Variants in TTBK1 observed in about 807,000 individuals in gnomAD.
TTBK1 encodes tau tubulin kinase 1.
In TTBK1, 34 loss-of-function variants were observed where a neutral mutation model predicts 108.5. That is an observed-to-expected ratio of 0.31 (90% CI 0.24 to 0.42). TTBK1 has a LOEUF of 0.42. Ranked by LOEUF, TTBK1 falls within the 10% of genes least tolerant of loss-of-function variation. The pLI is 1.00. For missense variants in TTBK1, 1,539 were observed against 1,826.0 expected (o/e 0.84, Z 2.86); for synonymous variants, 809 against 795.1 (o/e 1.02, Z -0.29).
intron 2 of TTBK1, 74 bp from the exon 3 acceptor site, chr6:43,252,665 C>A: frequency 1.3e-6 from 2 of 1,542,972 alleles, no homozygotes; most frequent in Non-Finnish European, 1.8e-6. Context: ...ATGAAGGATG[C>A]AACCAAGCAG....
intron 7 of TTBK1, 134 bp from the exon 8 acceptor site, chr6:43,255,418 A>T: frequency 1.2e-6 from 1 of 811,002 alleles, no homozygotes; most frequent in Non-Finnish European, 2.0e-6. Context: ...CTGTGGCCTC[A>T]GGGAGACCCC....
intron 2 of TTBK1, among the ~76,000 whole-genome samples, chr6:43,249,037 G>A (rs1443356823): frequency 2.6e-5 from 4 of 152,070 alleles, no homozygotes; most frequent in Non-Finnish European, 4.4e-5. Context: ...TGAGGAAATT[G>A]CTTAGCTAAT....
rs1331096949 is a variant in TTBK1 at position 43,283,336 on chromosome 6, A to C, written c.2596A>C (p.Thr866Pro). Residue 866 changes from threonine (T) to proline (P), a missense_variant, in exon 14 of 15, where the codon ACT becomes CCT. By Grantham distance (38) the Thr-to-Pro change is conservative. This residue lies in a region of TTBK1 where 1,055 missense variants were observed against 1,086.5 expected (regional missense o/e 0.97). Transcript: ENST00000259750. The surrounding 1 kb of genome is among the most constrained non-coding windows in gnomAD (Gnocchi z 8.1). ...DPDLGTLAALTPQHERPQPTG... is the reference protein window; with the variant it reads ...DPDLGTLAALPPQHERPQPTG... ...CGACCTGGGCACCCTGGCTGCCCTC[A>C]CTCCTCAGCATGAGCGGCCCCAGCC... The C allele has an allele frequency of 3.8e-6, 6 of 1,588,990 alleles. No homozygotes were observed. The highest frequency in any genetic ancestry group is 4.3e-6 in the Non-Finnish European group (5 of 1,167,922).
At chr6:43,245,121 G>A (rs1034405237) in intron 1 of TTBK1, among the ~76,000 whole-genome samples, 10 of 152,010 alleles carry the variant, frequency 6.6e-5, no homozygotes, top group African/African-American at 1.9e-4. Flanking sequence ...ACACCTCCAC[G>A]TCCCACCCTG....
chr6:43,260,010 T>G (rs1463154536), intron 12 of TTBK1, among the ~76,000 whole-genome samples: 4 of 152,088 alleles, frequency 2.6e-5, no homozygotes, highest in Non-Finnish European at 5.9e-5. Flanking sequence ...TTGGTGGGTG[T>G]GTGTGCTTCC....
chr6:43,256,889 T>C (rs1435024407), intron 9 of TTBK1, among the ~76,000 whole-genome samples: 1 of 152,152 alleles, frequency 6.6e-6, no homozygotes, highest in Non-Finnish European at 1.5e-5. Flanking sequence ...AGGGCTGGGC[T>C]CAGGCACATC....
Position 43,263,097 on chromosome 6 carries a change from C to T in TTBK1, c.1733C>T (p.Pro578Leu). 1.3e-6 allele frequency: 2 copies of T among 1,569,738 alleles called. No individual in the cohort carries two copies. The highest frequency in any genetic ancestry group is 1.3e-5 in the African/African-American group (1 of 74,196). The change falls in exon 13 of 15, where the codon CCC (proline) becomes CTC (leucine). Residue 578 changes from proline (P) to leucine (L), a missense_variant. Coordinates refer to ENST00000259750, the MANE Select transcript of TTBK1 (RefSeq NM_032538.3). The surrounding 1 kb of genome is among the most constrained non-coding windows in gnomAD (Gnocchi z 4.7). Reference sequence around the variant, plus strand: ...GAGCCCGAGGAGCTGCGGCCACTGCCCGAGGAGGGCGAAGAGCGGCGGCGG... The same window carrying T: ...GAGCCCGAGGAGCTGCGGCCACTGCTCGAGGAGGGCGAAGAGCGGCGGCGG... ...DEEPEELRPL[P>L]EEGEERRRLG...
At chr6:43,271,296 A>G (rs1459465820) in intron 13 of TTBK1, 1 of 985,314 alleles carries the variant, frequency 1.0e-6, no homozygotes, top group African/African-American at 1.7e-5. Flanking sequence ...GTGCTTACGA[A>G]TGAGCGTTTG....
At chr6:43,249,580 T>A (rs972111594) in intron 2 of TTBK1, among the ~76,000 whole-genome samples, 3 of 152,080 alleles carry the variant, frequency 2.0e-5, no homozygotes, top group Non-Finnish European at 1.5e-5. Context: ...ATTTTTTTTT[T>A]AATTTTATTT....
At chr6:43,251,747 CG>C (rs942351101) in intron 2 of TTBK1, among the ~76,000 whole-genome samples, 1 of 152,246 alleles carries the variant, frequency 6.6e-6, no homozygotes, top group Non-Finnish European at 1.5e-5. Context: ...CTCCAGGCGC[CG>C]GTCCCACCAC....
At chr6:43,251,569 C>CG (rs1777240628) in intron 2 of TTBK1, among the ~76,000 whole-genome samples, 1 of 152,226 alleles carries the variant, frequency 6.6e-6, no homozygotes, top group African/African-American at 2.4e-5. Context: ...CCAGGACCCC[C>CG]GGGCCTCTGA....
In TTBK1 at chr6:43,263,534, G is replaced by A. The variant is rs988027024; in HGVS notation, c.1986+184G>A. Among the ~76,000 whole-genome samples, 5 of 152,254 alleles carry A rather than the reference G, an allele frequency of 3.3e-5. No individual in the cohort carries two copies. The highest frequency in any genetic ancestry group is 1.2e-4 in the African/African-American group (5 of 41,468). On this transcript the variant is annotated intron_variant, in intron 13 of 14. Coordinates refer to ENST00000259750, the MANE Select transcript of TTBK1 (RefSeq NM_032538.3). The surrounding 1 kb of genome is among the most constrained non-coding windows in gnomAD (Gnocchi z 4.7). ...TGAGGGGCAGGCAAGGCTTCCCAGA[G>A]GAAGTGCCCTCTCAGTTCTGAGTTG...
intron 13 of TTBK1, among the ~76,000 whole-genome samples, chr6:43,267,792 C>T (rs969901576): frequency 5.3e-5 from 8 of 152,112 alleles, no homozygotes; most frequent in East Asian, 1.9e-4. Flanking sequence ...TGTCTCTGAC[C>T]GATAGCACAG....
chr6:43,260,494 G>C (rs1777510829), intron 12 of TTBK1, among the ~76,000 whole-genome samples: 1 of 152,208 alleles, frequency 6.6e-6, no homozygotes, highest in Non-Finnish European at 1.5e-5. Flanking sequence ...ATCCTTTCTG[G>C]CATCCACTCT....
At chr6:43,262,235 G>A (rs755187844) in intron 12 of TTBK1, among the ~76,000 whole-genome samples, 1 of 152,220 alleles carries the variant, frequency 6.6e-6, no homozygotes, top group East Asian at 1.9e-4. Context: ...TGTTGGGGCC[G>A]GGGAGTCACT....
chr6:43,259,435 CCAT>C lies in TTBK1; in HGVS notation c.1249-85_1249-83del. On this transcript the variant is annotated intron_variant, in intron 11 of 14. Coordinates refer to ENST00000259750, the MANE Select transcript of TTBK1 (RefSeq NM_032538.3). This position sits in a 1 kb window ranked among gnomAD's most constrained non-coding sequence, Gnocchi z 6.7. ...CCCCGCACTAGCCTCGCTGTGTCTT[CCAT>C]CATCATCATCCTCTGTCTCCTTCAC... The C allele has an allele frequency of 8.6e-6, 12 of 1,399,630 alleles. No individual in the cohort carries two copies. The highest frequency in any genetic ancestry group is 2.4e-5 in the East Asian group (1 of 41,684). The allele number at this position is 1,399,630 out of a possible 1,614,324, so 86.7% of individuals were successfully genotyped here. A position where few individuals can be genotyped will look rare whatever the true frequency, so the allele number is the denominator to read the frequency against.
Position 43,283,466 on chromosome 6 carries a change from T to G in TTBK1, c.2726T>G (p.Val909Gly), listed in dbSNP as rs574184157. 1.5e-5 allele frequency: 25 copies of G among 1,614,052 alleles called. No homozygotes were observed. Among genetic ancestry groups the G allele is most frequent in the Non-Finnish European group, 1.9e-5 (22 of 1,179,968 alleles). The change falls in exon 14 of 15, where the codon GTG becomes GGG. Residue 909 changes from valine to glycine, a missense_variant. By Grantham distance (109) the Val-to-Gly change is moderately radical. Transcript: ENST00000259750. The surrounding 1 kb of genome is among the most constrained non-coding windows in gnomAD (Gnocchi z 8.1). ...GPGAGLGAGT[V>G]TTGVGGVAVT... ...GGGGCAGGGCTGGGGGCCGGGACAGTGACCACAGGGGTCGGGGGCGTGGCA... is the reference window on the plus strand; with the variant it reads ...GGGGCAGGGCTGGGGGCCGGGACAGGGACCACAGGGGTCGGGGGCGTGGCA...
chr6:43,262,694 G>A, intron 12 of TTBK1, 95 bp from the exon 13 acceptor site: 2 of 1,292,884 alleles, frequency 1.5e-6, no homozygotes, highest in Non-Finnish European at 2.1e-6. Flanking sequence ...GCGGTCAGGA[G>A]GTTTTGGGAG....
chr6:43,254,353 G>A (rs531988093), intron 5 of TTBK1, among the ~76,000 whole-genome samples, 194 bp from the exon 6 acceptor site: 1 of 152,268 alleles, frequency 6.6e-6, no homozygotes, highest in Non-Finnish European at 1.5e-5. Context: ...TCTCTAAAAT[G>A]GGGATGATCA....
Sources: gnomAD v4.1 joint callset for allele counts (sites outside exome capture counted in the v4.1 genomes callset) on GRCh38, gnomAD v4.1.1 for gene constraint, gnomAD v4.1.1 regional missense constraint, Gnocchi (gnomAD v3.1) non-coding constraint, MANE v1.5 for transcripts, NCBI Gene and HGNC (gene_info 2026-07-23, HGNC 2026-07-21) for gene names.